LRCH2: variants seen among roughly 807,000 people sequenced by gnomAD.
LRCH2 encodes leucine rich repeats and calponin homology domain containing 2.
Under a neutral mutation model 68.9 loss-of-function variants are expected in LRCH2, and 38 were observed. That is an observed-to-expected ratio of 0.55 (90% CI 0.43 to 0.72). The LOEUF (loss-of-function observed/expected upper bound fraction) is 0.72, where lower values mean the gene tolerates loss of function less well. Ranked by LOEUF, LRCH2 falls within the 30% of genes least tolerant of loss-of-function variation. The probability of loss-of-function intolerance (pLI) is 0.00; values close to 1 mark genes in which losing one functional copy is unlikely to be tolerated. For missense variants in LRCH2, 528 were observed against 572.9 expected (o/e 0.92, Z 0.80); for synonymous variants, 191 against 208.1 (o/e 0.92, Z 0.71).
intron 1 of LRCH2, among the ~76,000 whole-genome samples, chrX:115,199,388 A>G (rs2072914338): frequency 8.9e-6 from 1 of 112,515 alleles, no homozygotes; most frequent in South Asian, 3.6e-4. Context: ...ACATAATCCA[A>G]CTATATGATG....
chrX:115,153,671 G>A (rs1295694946), intron 12 of LRCH2, among the ~76,000 whole-genome samples: 1 of 110,814 alleles, frequency 9.0e-6, no homozygotes, highest in Non-Finnish European at 1.9e-5. Context: ...CTGTTCTAAG[G>A]TTCTCACATG....
rs188921187 is a variant in LRCH2 at position 115,150,490 on chromosome X, T to A, written c.1530-420A>T. 4.8e-3 allele frequency among the ~76,000 whole-genome samples: 536 copies of A among 111,465 alleles called. 3 individuals carry two copies. Among genetic ancestry groups the A allele is most frequent in the African/African-American group, 0.015 (463 of 30,799 alleles). On this transcript the variant is annotated intron_variant, in intron 12 of 20. Coordinates refer to ENST00000317135, the MANE Select transcript of LRCH2 (RefSeq NM_020871.4). ...TATTTTTGCCTACTGAATTACTGAT[T>A]ATGAGATGCAACCTGTTCATTCTAA...
At chrX:115,181,223 G>A (rs1483527842) in intron 3 of LRCH2, among the ~76,000 whole-genome samples, 3 of 111,531 alleles carry the variant, frequency 2.7e-5, no homozygotes, top group African/African-American at 9.8e-5. Context: ...GTAGAATAGA[G>A]GGAGGGATAT....
chrX:115,192,866 A>T, intron 1 of LRCH2: 2 of 399,143 alleles, frequency 5.0e-6, no homozygotes. Flanking sequence ...AGTATAAGAT[A>T]TGAACCTGAG....
intron 1 of LRCH2, among the ~76,000 whole-genome samples, chrX:115,211,773 T>C (rs972775822): frequency 3.6e-5 from 4 of 109,665 alleles, no homozygotes; most frequent in African/African-American, 9.8e-5. Flanking sequence ...CCCCCCAAGA[T>C]TGCTTCTTGC....
At chrX:115,174,779 T>C in intron 5 of LRCH2, among the ~76,000 whole-genome samples, 1 of 111,495 alleles carries the variant, frequency 9.0e-6, no homozygotes, top group Non-Finnish European at 1.9e-5. Context: ...AATGTATACT[T>C]GGTTTTGCTC....
chrX:115,139,000 T>C (rs1195989871), intron 14 of LRCH2: 1 of 108,597 alleles, frequency 9.2e-6, no homozygotes, highest in Non-Finnish European at 2.0e-5. Flanking sequence ...GAAGCTTTTA[T>C]GTACATATAC....
intron 1 of LRCH2, among the ~76,000 whole-genome samples, chrX:115,199,394 T>C (rs1426436184): frequency 1.8e-5 from 2 of 112,380 alleles, no homozygotes; most frequent in African/African-American, 6.5e-5. Context: ...TCCAACTATA[T>C]GATGCTTACA....
At chrX:115,123,524 C>T (rs1247805943) in intron 17 of LRCH2, among the ~76,000 whole-genome samples, 2 of 112,106 alleles carry the variant, frequency 1.8e-5, no homozygotes. Flanking sequence ...AAGGTCAATA[C>T]AGTTATTCAG....
intron 11 of LRCH2, among the ~76,000 whole-genome samples, chrX:115,159,801 C>T (rs1451840089): frequency 1.8e-5 from 2 of 109,426 alleles, no homozygotes; most frequent in African/African-American, 6.7e-5. Flanking sequence ...AGTAGCTTAA[C>T]CTACACATCT....
In LRCH2 at chrX:115,123,851, A is replaced by T. The variant is rs1225226307; in HGVS notation, c.1849+94T>A. ...GCTTTTAGGAGAGGGGAAAGAATCT[A>T]TGTGTACTTAAGACTATGGAATCAA... is the stretch of plus-strand genomic sequence containing the variant. On this transcript the variant is annotated intron_variant, in intron 17 of 20. Transcript: ENST00000317135. 7 of 508,310 alleles carry T rather than the reference A, an allele frequency of 1.4e-5. No homozygotes were observed. The Admixed American group carries it at 3.1e-4, about 23-fold the overall frequency. The allele number at this position is 508,310 out of a possible 1,213,427, so 41.9% of individuals were successfully genotyped here. A position where few individuals can be genotyped will look rare whatever the true frequency, so the allele number is the denominator to read the frequency against.
intron 1 of LRCH2, among the ~76,000 whole-genome samples, chrX:115,213,448 C>T (rs1556570491): frequency 8.9e-6 from 1 of 111,791 alleles, no homozygotes; most frequent in East Asian, 2.8e-4. Context: ...CCTGACTTGA[C>T]TCACAGCCTT....
intron 3 of LRCH2, among the ~76,000 whole-genome samples, chrX:115,180,520 TCAA>T (rs1307881586): frequency 1.8e-5 from 2 of 110,564 alleles, no homozygotes; most frequent in African/African-American, 3.3e-5. Flanking sequence ...TATAATAACA[TCAA>T]CAACAAAAAA....
At chrX:115,169,380 T>C (rs1229714019) in intron 6 of LRCH2, among the ~76,000 whole-genome samples, 3 of 111,952 alleles carry the variant, frequency 2.7e-5, no homozygotes, top group Non-Finnish European at 1.9e-5. Context: ...ATAAAGCAGA[T>C]TAATAGAGAT....
intron 14 of LRCH2, among the ~76,000 whole-genome samples, chrX:115,134,063 G>C (rs1253561376): frequency 8.9e-6 from 1 of 112,089 alleles, no homozygotes; most frequent in Non-Finnish European, 1.9e-5. Flanking sequence ...AAGTGAAACA[G>C]CCTTATTGCT....
In LRCH2 at chrX:115,199,290, A is replaced by G. The variant is rs144044832; in HGVS notation, c.350-10920T>C. 2.9e-3 allele frequency among the ~76,000 whole-genome samples: 321 copies of G among 112,071 alleles called. 2 individuals carry two copies. The Middle Eastern group carries it at 0.046, about 16-fold the overall frequency. On this transcript the variant is annotated intron_variant, in intron 1 of 20. Coordinates refer to ENST00000317135, the MANE Select transcript of LRCH2 (RefSeq NM_020871.4). ...ACAATTAACAATACGACAAGAACAA[A>G]CCCTCACATATATCAATATAAACCT...
chrX:115,223,453 T>TAA (rs201346687), intron 1 of LRCH2, among the ~76,000 whole-genome samples: 1 of 40,125 alleles, frequency 2.5e-5, no homozygotes, highest in Non-Finnish European at 5.4e-5. Context: ...AATTTTTTTT[T>TAA]TAAAAAAACC....
chrX:115,167,169 G>A (rs1174549872), intron 6 of LRCH2, among the ~76,000 whole-genome samples: 1 of 52,848 alleles, frequency 1.9e-5, no homozygotes. Context: ...TTTTAATTCC[G>A]CTCCTAAAAC....
intron 1 of LRCH2, among the ~76,000 whole-genome samples, chrX:115,209,414 G>A (rs1232093381): frequency 8.9e-6 from 1 of 111,829 alleles, no homozygotes; most frequent in African/African-American, 3.3e-5. Flanking sequence ...TTAAAAAGGG[G>A]AGGTTCCCTG....
Sources: allele counts gnomAD v4.1 joint callset (sites outside exome capture counted in the v4.1 genomes callset), GRCh38; gene constraint gnomAD v4.1.1; transcripts MANE v1.5; gene names NCBI Gene and HGNC (gene_info 2026-07-23, HGNC 2026-07-21).